The following MARCO variants were observed in gnomAD, a reference collection of about 807,000 sequenced individuals.
MARCO encodes macrophage receptor MARCO.
MARCO carries 72 observed loss-of-function variants against 70.0 expected under a neutral mutation model. That is an observed-to-expected ratio of 1.03 (90% CI 0.85 to 1.25). The LOEUF is 1.25. Ranked by LOEUF, MARCO falls within the 50% of genes most tolerant of loss-of-function variation. The probability of loss-of-function intolerance (pLI) is 0.00; values close to 1 mark genes in which losing one functional copy is unlikely to be tolerated. For synonymous variants in MARCO, 273 were observed against 243.1 expected, an observed-to-expected ratio of 1.12 and a Z score of -1.14; for missense variants, 696 against 659.3, an observed-to-expected ratio of 1.06 and a Z score of -0.61.
At chr2:118,946,280 T>C (rs377548610) in intron 1 of MARCO, among the ~76,000 whole-genome samples, 70 of 152,278 alleles carry the variant, frequency 4.6e-4, no homozygotes, top group African/African-American at 1.6e-3. Flanking sequence ...TGTGTACATA[T>C]ATAGTTGTAC....
At chr2:118,965,231 GTGTT>G (rs1193258639) in intron 1 of MARCO, among the ~76,000 whole-genome samples, 5 of 152,108 alleles carry the variant, frequency 3.3e-5, no homozygotes, top group Non-Finnish European at 2.9e-5. Context: ...CTGTTCATGT[GTGTT>G]TGTTTGTTTT....
chr2:118,976,312 G>C (rs1490167777), intron 6 of MARCO, among the ~76,000 whole-genome samples: 3 of 152,144 alleles, frequency 2.0e-5, no homozygotes, highest in Non-Finnish European at 4.4e-5. Context: ...GTTCCATAGA[G>C]AGTGTGGAGT....
chr2:118,981,859 A>G lies in MARCO; in HGVS notation c.901+203A>G, dbSNP rs184126598. Reference sequence around the variant, plus strand: ...AGGCCTCACTGATGTTTCTCTCTAGACTTTACCCCACTTTGCCACCCAGGG... The same window carrying G: ...AGGCCTCACTGATGTTTCTCTCTAGGCTTTACCCCACTTTGCCACCCAGGG... On this transcript the variant is annotated intron_variant, in intron 10 of 16. Coordinates refer to ENST00000327097, the MANE Select transcript of MARCO (RefSeq NM_006770.4). Among the ~76,000 whole-genome samples the G allele has an allele frequency of 5.6e-4, 85 of 152,236 alleles. No individual in the cohort carries two copies. In the East Asian group the frequency reaches 0.012, roughly 21 times the overall value.
Position 118,971,529 on chromosome 2 carries a change from C to T in MARCO, c.455C>T (p.Ala152Val), listed in dbSNP as rs767610032. 9.9e-6 allele frequency: 16 copies of T among 1,613,826 alleles called. No individual in the cohort carries two copies. The South Asian group carries it at 1.4e-4, about 14-fold the overall frequency. The change falls in exon 4 of 17, where the codon GCC (alanine) becomes GTC (valine). Residue 152 changes from alanine (A) to valine (V), a missense_variant. This residue lies in a region of MARCO where 605 missense variants were observed against 537.6 expected (regional missense o/e 1.13). Coordinates refer to ENST00000327097, the MANE Select transcript of MARCO (RefSeq NM_006770.4). ...TTCAGAATCAAAGGTGAACAAGGCG[C>T]CCCAGGTAGGTTCATTTCCACTCAC... ...GMFRIKGEQG[A>V]PGLQGHKGAM...
At chr2:118,947,513 T>C (rs1030392667) in intron 1 of MARCO, among the ~76,000 whole-genome samples, 1 of 152,180 alleles carries the variant, frequency 6.6e-6, no homozygotes, top group African/African-American at 2.4e-5. Context: ...TAACGTATAA[T>C]GTGTAGGCCA....
At position 118,970,179 on chromosome 2, in the gene MARCO, G is replaced by A. The variant is rs1680135881; in HGVS notation, c.265G>A (p.Glu89Lys). The change falls in exon 3 of 17, where the codon GAG becomes AAG. Residue 89 changes from glutamate to lysine, a missense_variant. Glu to Lys is a moderately conservative substitution (Grantham distance 56). Transcript: ENST00000327097. ...MYFLNDTLAA[E>K]DSPSFSLLQS... ...TTTCCTCAATGACACTCTGGCGGCT[G>A]AGGACAGCCCGTCCTTCTCCTTGCT... The A allele has an allele frequency of 1.2e-6, 2 of 1,614,148 alleles. No homozygotes were observed. Among genetic ancestry groups the A allele is most frequent in the Non-Finnish European group, 1.7e-6 (2 of 1,180,016 alleles).
At chr2:118,979,570 T>C (rs1023136713) in intron 8 of MARCO, among the ~76,000 whole-genome samples, 2 of 152,156 alleles carry the variant, frequency 1.3e-5, no homozygotes, top group African/African-American at 4.8e-5. Flanking sequence ...CAGCCAGGTC[T>C]TTGCCCACTG....
chr2:118,950,575 T>C (rs1239503169), intron 1 of MARCO, among the ~76,000 whole-genome samples: 1 of 152,232 alleles, frequency 6.6e-6, no homozygotes, highest in African/African-American at 2.4e-5. Context: ...GTTTCTTCAA[T>C]AGTTTTACAT....
At chr2:118,977,296 G>C (rs1013816730) in intron 6 of MARCO, among the ~76,000 whole-genome samples, 175 bp from the exon 7 acceptor site, 1 of 151,920 alleles carries the variant, frequency 6.6e-6, no homozygotes, top group South Asian at 2.1e-4. Flanking sequence ...GTGTGTGATT[G>C]TGTGTGTGCA....
chr2:118,974,919 A>G (rs945991940), intron 6 of MARCO, among the ~76,000 whole-genome samples: 1 of 152,156 alleles, frequency 6.6e-6, no homozygotes, highest in Non-Finnish European at 1.5e-5. Flanking sequence ...TGTCAGGCAC[A>G]TGCACCTCCA....
At chr2:118,986,009 G>A (rs1033227168) in intron 12 of MARCO, among the ~76,000 whole-genome samples, 7 of 152,108 alleles carry the variant, frequency 4.6e-5, no homozygotes, top group African/African-American at 1.7e-4. Flanking sequence ...AATAGCAATT[G>A]AGCCCTATGT....
chr2:118,974,279 T>G, intron 4 of MARCO, 54 bp from the exon 5 acceptor site: 1 of 1,039,564 alleles, frequency 9.6e-7, no homozygotes, highest in Non-Finnish European at 1.5e-6. Context: ...TTGCATGGCG[T>G]TGTTGCCCCA....
chr2:118,989,220 C>G (rs780027058), intron 12 of MARCO, among the ~76,000 whole-genome samples: 6 of 152,192 alleles, frequency 3.9e-5, no homozygotes, highest in Admixed American at 6.5e-5. Flanking sequence ...TGAACCAAAG[C>G]AGTGAGGCAT....
intron 1 of MARCO, among the ~76,000 whole-genome samples, chr2:118,945,404 C>CTTTTT (rs55684033): frequency 2.9e-4 from 36 of 123,036 alleles, no homozygotes; most frequent in Non-Finnish European, 4.2e-4. Context: ...CCTCTTGTTT[C>CTTTTT]TTTTTTTTTT....
intron 1 of MARCO, among the ~76,000 whole-genome samples, chr2:118,960,118 A>AAAT (rs10676998): frequency 0.35 from 53,151 of 149,790 alleles, 11,319 homozygotes; most frequent in African/African-American, 0.58. Flanking sequence ...AAATAAAATA[A>AAAT]AATAATAATA....
At chr2:118,977,986 T>G in intron 8 of MARCO, 51 bp downstream of exon 8, 204 of 1,158,184 alleles carry the variant, frequency 1.8e-4, no homozygotes, top group Non-Finnish European at 2.3e-4. Context: ...CTGAGGGAAC[T>G]AGGGCCTGAC....
At chr2:118,949,871 G>GGATGAT (rs879657374) in intron 1 of MARCO, 25 of 152,168 alleles carry the variant, frequency 1.6e-4, no homozygotes, top group Non-Finnish European at 3.5e-4. Flanking sequence ...GTGATCCCCA[G>GGATGAT]GCTGATGCTG....
chr2:118,992,704 C>T (rs1460259528), intron 15 of MARCO, among the ~76,000 whole-genome samples: 3 of 151,558 alleles, frequency 2.0e-5, no homozygotes, highest in East Asian at 1.9e-4. Flanking sequence ...CCCCTTTCTC[C>T]TTCTTCCTTT....
chr2:118,980,386 G>A (rs1680366399), intron 8 of MARCO, among the ~76,000 whole-genome samples: 1 of 152,282 alleles, frequency 6.6e-6, no homozygotes, highest in South Asian at 2.1e-4. Flanking sequence ...TCTGATTCAT[G>A]AGCCTCATAC....
Sources: gnomAD v4.1 joint callset for allele counts (sites outside exome capture counted in the v4.1 genomes callset) on GRCh38, gnomAD v4.1.1 for gene constraint, gnomAD v4.1.1 regional missense constraint, MANE v1.5 for transcripts, NCBI Gene and HGNC (gene_info 2026-07-23, HGNC 2026-07-21) for gene names.